The following HDAC9 variants were observed in gnomAD, a reference collection of about 807,000 sequenced individuals.
HDAC9 encodes MEF-2 interacting transcription repressor (MITR) protein.
HDAC9 carries 41 observed loss-of-function variants against 139.4 expected under a neutral mutation model. The observed-to-expected ratio is 0.29, with a 90% CI of 0.23 to 0.38. The LOEUF (loss-of-function observed/expected upper bound fraction) is 0.38, where lower values mean the gene tolerates loss of function less well. HDAC9 is among the 10% of genes least tolerant of loss of function. The probability of loss-of-function intolerance (pLI) is 1.00; values close to 1 mark genes in which losing one functional copy is unlikely to be tolerated. For missense variants in HDAC9, 1,147 were observed against 1,297.0 expected, an observed-to-expected ratio of 0.88 and a Z score of 1.78; for synonymous variants, 517 against 476.2, an observed-to-expected ratio of 1.09 and a Z score of -1.12.
chr7:18,731,216 A>T (rs1396873691), intron 13 of HDAC9, among the ~76,000 whole-genome samples: 1 of 152,142 alleles, frequency 6.6e-6, no homozygotes, highest in African/African-American at 2.4e-5. Flanking sequence ...GAAACTGCAG[A>T]TGGGGGAGGG....
chr7:18,907,696 T>G (rs1000092723), intron 22 of HDAC9, among the ~76,000 whole-genome samples: 4 of 152,158 alleles, frequency 2.6e-5, no homozygotes, highest in African/African-American at 9.7e-5. Context: ...ATCAGATAAT[T>G]CTGGAAAGAA....
At chr7:18,675,584 C>A (rs1781451345) in intron 12 of HDAC9, among the ~76,000 whole-genome samples, 2 of 151,996 alleles carry the variant, frequency 1.3e-5, no homozygotes, top group Admixed American at 1.3e-4. Flanking sequence ...GCTGACCTTA[C>A]ACTCAATATC....
At chr7:18,547,154 G>C (rs944730881) in intron 2 of HDAC9, among the ~76,000 whole-genome samples, 2 of 152,094 alleles carry the variant, frequency 1.3e-5, no homozygotes, top group Non-Finnish European at 2.9e-5. Context: ...AACCTTTTTT[G>C]CTGGCTGAGG....
At chr7:18,237,085 T>G (rs535481867) in intron 2 of HDAC9, among the ~76,000 whole-genome samples, 24 of 152,306 alleles carry the variant, frequency 1.6e-4, no homozygotes, top group Non-Finnish European at 2.9e-4. Flanking sequence ...TTTTCTTTGC[T>G]TTTTCCACTG....
chr7:18,986,867 TTGTC>T (rs1363505792), intron 25 of HDAC9, among the ~76,000 whole-genome samples: 2 of 151,942 alleles, frequency 1.3e-5, no homozygotes, highest in Non-Finnish European at 2.9e-5. Flanking sequence ...ATTTGGCTGT[TTGTC>T]TGTTGTTGGT....
At chr7:18,936,906 A>G (rs2129310932) in intron 23 of HDAC9, among the ~76,000 whole-genome samples, 1 of 152,230 alleles carries the variant, frequency 6.6e-6, no homozygotes, top group South Asian at 2.1e-4. Flanking sequence ...ATTATTTTAC[A>G]AACCTGTAAT....
At chr7:18,782,288 C>T (rs1791309372) in intron 16 of HDAC9, among the ~76,000 whole-genome samples, 1 of 152,038 alleles carries the variant, frequency 6.6e-6, no homozygotes, top group Admixed American at 6.6e-5. Flanking sequence ...TTAATGGGCA[C>T]AATAGTATTA....
chr7:18,991,453 C>G (rs58127685), intron 25 of HDAC9, among the ~76,000 whole-genome samples: 5 of 152,016 alleles, frequency 3.3e-5, no homozygotes, highest in Admixed American at 6.6e-5. Flanking sequence ...CTGGCTAACA[C>G]GGTGAAACCC....
chr7:18,542,346 A>G (rs1813271761), intron 2 of HDAC9, among the ~76,000 whole-genome samples: 2 of 152,172 alleles, frequency 1.3e-5, no homozygotes, highest in Non-Finnish European at 2.9e-5. Flanking sequence ...CTCATCTCTA[A>G]TATAAATACC....
intron 16 of HDAC9, among the ~76,000 whole-genome samples, chr7:18,790,315 T>C (rs1417162105): frequency 6.6e-6 from 1 of 152,190 alleles, no homozygotes; most frequent in East Asian, 1.9e-4. Context: ...CTTTTGAAAG[T>C]AATTAAGATT....
At chr7:18,926,303 T>C (rs1404539143) in intron 22 of HDAC9, among the ~76,000 whole-genome samples, 1 of 152,094 alleles carries the variant, frequency 6.6e-6, no homozygotes, top group Non-Finnish European at 1.5e-5. Flanking sequence ...GCTATGATGA[T>C]GCCACTACAC....
intron 1 of HDAC9, among the ~76,000 whole-genome samples, chr7:18,326,091 T>TA (rs1442122161): frequency 1.3e-5 from 2 of 152,116 alleles, no homozygotes; most frequent in African/African-American, 4.8e-5. Context: ...TTTCAGGTGA[T>TA]ACATTAGACC....
intron 22 of HDAC9, chr7:18,899,266 T>G (rs1332089049): frequency 1.3e-5 from 2 of 152,022 alleles, no homozygotes; most frequent in Non-Finnish European, 2.9e-5. Flanking sequence ...TGAAGTGAGC[T>G]CCTATGTGGT....
chr7:18,654,072 A>T (rs761668538), intron 11 of HDAC9, among the ~76,000 whole-genome samples: 1 of 152,162 alleles, frequency 6.6e-6, no homozygotes, highest in Non-Finnish European at 1.5e-5. Flanking sequence ...TGAAAAAAGT[A>T]TAAGTTTTGA....
At chr7:18,605,648 G>A (rs577752345) in intron 6 of HDAC9, among the ~76,000 whole-genome samples, 2 of 152,094 alleles carry the variant, frequency 1.3e-5, no homozygotes, top group South Asian at 4.2e-4. Flanking sequence ...TGAAAATGTA[G>A]GATTCTTCTG....
chr7:18,632,336 T>C (rs1391950445), intron 7 of HDAC9, among the ~76,000 whole-genome samples: 1 of 152,084 alleles, frequency 6.6e-6, no homozygotes. Context: ...TTAGAATTCT[T>C]ACATTAACCT....
At chr7:18,816,720 C>A (rs1248398403) in intron 17 of HDAC9, among the ~76,000 whole-genome samples, 1 of 152,156 alleles carries the variant, frequency 6.6e-6, no homozygotes, top group Admixed American at 6.5e-5. Flanking sequence ...TTCATTCATT[C>A]CAATTTTCAT....
intron 2 of HDAC9, among the ~76,000 whole-genome samples, chr7:18,583,939 A>G (rs1209527891): frequency 6.6e-6 from 1 of 152,064 alleles, no homozygotes; most frequent in African/African-American, 2.4e-5. Context: ...TGTTGTCTTT[A>G]GCTTAACCTT....
intron 14 of HDAC9, among the ~76,000 whole-genome samples, chr7:18,757,791 C>G (rs1310823593): frequency 6.6e-6 from 1 of 151,988 alleles, no homozygotes; most frequent in Non-Finnish European, 1.5e-5. Flanking sequence ...CACAGTATGA[C>G]TTTGTAGATC....
Sources: allele counts gnomAD v4.1 joint callset (sites outside exome capture counted in the v4.1 genomes callset), GRCh38; gene constraint gnomAD v4.1.1; transcripts MANE v1.5; gene names NCBI Gene and HGNC (gene_info 2026-07-23, HGNC 2026-07-21).